FOXK2: variants seen among roughly 807,000 people sequenced by gnomAD.
The protein encoded by FOXK2 is forkhead box K2.
In FOXK2, 24 loss-of-function variants were observed where a neutral mutation model predicts 53.3. The ratio of observed to expected loss-of-function variants is 0.45; its 90% CI spans 0.33 to 0.63. FOXK2 has a LOEUF of 0.63. FOXK2 is among the 30% of genes least tolerant of loss of function. The pLI is 0.03. For missense variants in FOXK2, 952 were observed against 910.5 expected (o/e 1.05, Z -0.59); for synonymous variants, 505 against 407.1 (o/e 1.24, Z -2.89).
At chr17:82,551,039 C>T (rs952607810) in intron 1 of FOXK2, among the ~76,000 whole-genome samples, 2 of 152,006 alleles carry the variant, frequency 1.3e-5, no homozygotes, top group Admixed American at 6.6e-5. Context: ...GCTGAAAGGC[C>T]GGAAGTGGTG....
chr17:82,520,379 G>T, intron 1 of FOXK2, 72 bp downstream of exon 1: 3 of 1,178,054 alleles, frequency 2.5e-6, no homozygotes, highest in East Asian at 3.5e-5. Flanking sequence ...CGGGACACGC[G>T]CCCAGGCCCG....
intron 1 of FOXK2, among the ~76,000 whole-genome samples, chr17:82,558,202 T>G (rs916675960): frequency 1.3e-5 from 2 of 152,014 alleles, no homozygotes; most frequent in Non-Finnish European, 2.9e-5. Flanking sequence ...TAGCTGAACA[T>G]GGTGGCGTGT....
chr17:82,571,751 G>A lies in FOXK2; in HGVS notation c.790G>A (p.Ala264Thr), dbSNP rs941824225. 1.9e-6 allele frequency: 3 copies of A among 1,584,890 alleles called. No individual in the cohort carries two copies. The highest frequency in any genetic ancestry group is 1.2e-5 in the South Asian group (1 of 86,724). ...TGATTCAAAGCCGCCTTACTCCTAC[G>A]CGCAGCTGATAGTTCAGGCGATTAC... ...KDDSKPPYSY[A>T]QLIVQAITMA... The change falls in exon 4 of 9, where the codon GCG becomes ACG. Residue 264 changes from alanine (A) to threonine (T), a missense_variant. This residue lies in a region of FOXK2 where 160 missense variants were observed against 214.2 expected (regional missense o/e 0.75). Transcript: ENST00000335255.
chr17:82,522,433 A>G (rs1199383358), intron 1 of FOXK2, among the ~76,000 whole-genome samples: 1 of 149,750 alleles, frequency 6.7e-6, no homozygotes, highest in Non-Finnish European at 1.5e-5. Context: ...CAGTGGCGCA[A>G]TCTCGGCTCA....
At chr17:82,523,406 C>A (rs1057219612) in intron 1 of FOXK2, among the ~76,000 whole-genome samples, 3 of 151,670 alleles carry the variant, frequency 2.0e-5, no homozygotes, top group Non-Finnish European at 4.4e-5. Flanking sequence ...AGGGCAGTAA[C>A]ACAGGTTAAT....
intron 7 of FOXK2, among the ~76,000 whole-genome samples, 186 bp from the exon 8 acceptor site, chr17:82,586,877 G>C (rs991202432): frequency 6.6e-6 from 1 of 152,000 alleles, no homozygotes; most frequent in Non-Finnish European, 1.5e-5. Context: ...CTCCAGCTTG[G>C]GTAACGAGCG....
chr17:82,528,831 A>T (rs2044444173), intron 1 of FOXK2, among the ~76,000 whole-genome samples: 1 of 152,240 alleles, frequency 6.6e-6, no homozygotes, highest in African/African-American at 2.4e-5. Flanking sequence ...TTTTTGCTGC[A>T]GTTTGTCATT....
intron 4 of FOXK2, chr17:82,576,612 C>T: frequency 9.5e-7 from 1 of 1,051,814 alleles, no homozygotes; most frequent in Non-Finnish European, 1.5e-6. Flanking sequence ...AGGGAGGACC[C>T]AGTGCCGCAG....
chr17:82,554,152 G>T (rs1381619344), intron 1 of FOXK2, among the ~76,000 whole-genome samples: 2 of 152,150 alleles, frequency 1.3e-5, no homozygotes, highest in Non-Finnish European at 2.9e-5. Context: ...TTTTGAAACT[G>T]GTTGTAGGGA....
intron 4 of FOXK2, among the ~76,000 whole-genome samples, chr17:82,577,712 A>G: frequency 6.6e-6 from 1 of 152,176 alleles, no homozygotes; most frequent in Non-Finnish European, 1.5e-5. Flanking sequence ...CAAAGGGACT[A>G]GAGCTGGTTC....
At chr17:82,525,629 A>G (rs1163367900) in intron 1 of FOXK2, among the ~76,000 whole-genome samples, 1 of 152,216 alleles carries the variant, frequency 6.6e-6, no homozygotes, top group Non-Finnish European at 1.5e-5. Context: ...TTATGAATAA[A>G]AATAGGCAAC....
chr17:82,529,127 G>A (rs541081762), intron 1 of FOXK2, among the ~76,000 whole-genome samples: 9 of 152,176 alleles, frequency 5.9e-5, no homozygotes, highest in African/African-American at 2.2e-4. Context: ...GGTCCTACTG[G>A]TGGTAAGTTT....
rs777846814 is a variant in FOXK2, at chr17:82,520,314, G to T, written c.419+7G>T. On this transcript the variant is annotated splice_region_variant and intron_variant, in intron 1 of 8. Coordinates refer to ENST00000335255, the MANE Select transcript of FOXK2 (RefSeq NM_004514.4). ...CGCTGCAGCTGCCGCGCGTGTGAGT[G>T]GCCTCGGGGCGGGGCGGGCGGGGTC... is the stretch of plus-strand genomic sequence containing the variant. 4.8e-6 allele frequency: 6 copies of T among 1,259,464 alleles called. No homozygotes were observed. Among genetic ancestry groups the T allele is most frequent in the Non-Finnish European group, 5.0e-6 (5 of 998,054 alleles). 78.0% of individuals were successfully genotyped at this position (1,259,464 alleles called of 1,614,324 possible). A position where few individuals can be genotyped will look rare whatever the true frequency, so the allele number is the denominator to read the frequency against.
At chr17:82,546,335 T>G (rs982205807) in intron 1 of FOXK2, among the ~76,000 whole-genome samples, 3 of 152,160 alleles carry the variant, frequency 2.0e-5, no homozygotes, top group Admixed American at 2.0e-4. Flanking sequence ...CAGGCTGGTC[T>G]CAAACTCCTG....
At chr17:82,574,170 G>C (rs2044954648) in intron 4 of FOXK2, among the ~76,000 whole-genome samples, 1 of 152,188 alleles carries the variant, frequency 6.6e-6, no homozygotes, top group Non-Finnish European at 1.5e-5. Context: ...TTTCTCTCCT[G>C]TCTAGATGGA....
At chr17:82,573,599 C>CACACACAA (rs1283468210) in intron 4 of FOXK2, among the ~76,000 whole-genome samples, 1 of 147,144 alleles carries the variant, frequency 6.8e-6, no homozygotes, top group Non-Finnish European at 1.5e-5. Flanking sequence ...CACACACACA[C>CACACACAA]AACCAGATAA....
intron 8 of FOXK2, among the ~76,000 whole-genome samples, chr17:82,587,857 T>C (rs2045208008): frequency 6.6e-6 from 1 of 152,196 alleles, no homozygotes. Context: ...GGGGCCTGGC[T>C]CAGGTGTGGG....
chr17:82,554,907 G>A (rs1004523218), intron 1 of FOXK2, among the ~76,000 whole-genome samples: 2 of 151,882 alleles, frequency 1.3e-5, no homozygotes, highest in Non-Finnish European at 1.5e-5. Flanking sequence ...CACCATGCCC[G>A]ACTAATTTTT....
Position 82,602,199 on chromosome 17 carries a change from G to A in FOXK2, c.*700G>A, listed in dbSNP as rs1041917728. The stretch of plus-strand genomic sequence containing the variant: ...TCCATTTCAGCATGTGGCTCGCGTG[G>A]ACAGGTGGACGGACGCTGTGGCCGC... On this transcript the variant is annotated 3_prime_UTR_variant, in exon 9 of 9. Transcript: ENST00000335255. 3 of 152,200 alleles carry A rather than the reference G, an allele frequency of 2.0e-5. No individual in the cohort carries two copies. Among genetic ancestry groups the A allele is most frequent in the Non-Finnish European group, 4.4e-5 (3 of 68,056 alleles). The allele number at this position is 152,200 out of a possible 1,614,324, so 9.4% of individuals were successfully genotyped here.
Sources: allele counts gnomAD v4.1 joint callset (sites outside exome capture counted in the v4.1 genomes callset), GRCh38; gene constraint gnomAD v4.1.1; regional missense constraint gnomAD v4.1.1; transcripts MANE v1.5; gene names NCBI Gene and HGNC (gene_info 2026-07-23, HGNC 2026-07-21).